Variants in SPATS2L observed in about 807,000 individuals in gnomAD.
SPATS2L encodes the protein spermatogenesis associated serine rich 2 like.
Under a neutral mutation model 59.6 loss-of-function variants are expected in SPATS2L, and 30 were observed. The ratio of observed to expected loss-of-function variants is 0.50; its 90% CI spans 0.38 to 0.68. The LOEUF is 0.68. Among genes scored for constraint, SPATS2L ranks in the 30% least tolerant of loss-of-function variants. The pLI is 0.00. For synonymous variants in SPATS2L, 252 were observed against 263.5 expected, an observed-to-expected ratio of 0.96 and a Z score of 0.42; for missense variants, 615 against 700.0, an observed-to-expected ratio of 0.88 and a Z score of 1.37.
intron 3 of SPATS2L, chr2:200,390,145 T>G (rs139804681): frequency 6.6e-6 from 1 of 152,264 alleles, no homozygotes; most frequent in African/African-American, 2.4e-5. Context: ...AAGGCAGGAG[T>G]TTGTCTTTCA....
intron 12 of SPATS2L, 31 bp downstream of exon 12, chr2:200,473,083 G>GAAAA: frequency 1.2e-5 from 15 of 1,232,922 alleles, no homozygotes; most frequent in African/African-American, 1.6e-5. Context: ...GGTGCCAGAG[G>GAAAA]AAAAAAAAAA....
rs199884306 is a variant in SPATS2L at position 200,365,512 on chromosome 2, C to T, written c.-22-23711C>T. 3.9e-5 allele frequency among the ~76,000 whole-genome samples: 6 copies of T among 152,188 alleles called. No individual in the cohort carries two copies. In the East Asian group the frequency reaches 1.2e-3, roughly 29 times the overall value. ...CTATACATGGGACTCTGTCTGTGAA[C>T]TCAGAGATGATCAGACTCTACCGTG... On this transcript the variant is annotated intron_variant, in intron 2 of 12. Coordinates refer to ENST00000409140, the MANE Select transcript of SPATS2L (RefSeq NM_001100423.2).
chr2:200,470,942 TGAGGCCAGGAGTTC>T (rs1170749063), intron 11 of SPATS2L, among the ~76,000 whole-genome samples: 1 of 152,122 alleles, frequency 6.6e-6, no homozygotes, highest in East Asian at 1.9e-4. Flanking sequence ...TCTGATCACC[TGAGGCCAGGAGTTC>T]GAGGCCAGCC....
intron 3 of SPATS2L, among the ~76,000 whole-genome samples, chr2:200,394,237 C>A (rs1195612893): frequency 2.0e-5 from 3 of 152,214 alleles, no homozygotes; most frequent in Admixed American, 2.0e-4. Context: ...ACACCCTTAT[C>A]CACTGCCGCA....
chr2:200,383,686 AC>A (rs1229764928), intron 2 of SPATS2L, among the ~76,000 whole-genome samples: 1 of 152,186 alleles, frequency 6.6e-6, no homozygotes, highest in African/African-American at 2.4e-5. Context: ...TTTGGCATTT[AC>A]CCACTCCAGC....
chr2:200,427,517 AATATAC>A (rs1018261430), intron 6 of SPATS2L, among the ~76,000 whole-genome samples: 37 of 148,896 alleles, frequency 2.5e-4, no homozygotes, highest in Non-Finnish European at 2.4e-4. Flanking sequence ...TATATATAAT[AATATAC>A]ATATATATTA....
intron 6 of SPATS2L, among the ~76,000 whole-genome samples, chr2:200,432,189 G>C (rs1015287256): frequency 6.6e-6 from 1 of 152,180 alleles, no homozygotes; most frequent in East Asian, 1.9e-4. Flanking sequence ...CTACAAGAAA[G>C]GAAGTAGATG....
At chr2:200,439,004 A>G (rs1256251493) in intron 6 of SPATS2L, 118 bp from the exon 7 acceptor site, 5 of 735,826 alleles carry the variant, frequency 6.8e-6, no homozygotes, top group Non-Finnish European at 9.3e-6. Context: ...ACTGTTTGCA[A>G]TGAAAGGCAT....
chr2:200,477,779 G>A lies in SPATS2L; in HGVS notation c.1425G>A (p.Pro475=), dbSNP rs771964448. The A allele has an allele frequency of 5.7e-6, 9 of 1,579,256 alleles. No individual in the cohort carries two copies. The highest frequency in any genetic ancestry group is 1.4e-5 in the African/African-American group (1 of 74,012). The change falls in exon 13 of 13, where the codon CCG becomes CCA. Residue 475 remains proline (P), a synonymous_variant. Transcript: ENST00000409140. ...GCCGCCACGAACACAGAAGACAGCCGCACAACGGCTTCCGGCCCAAAAACA... is the reference window on the plus strand; with the variant it reads ...GCCGCCACGAACACAGAAGACAGCCACACAACGGCTTCCGGCCCAAAAACA... The part of the protein sequence containing the change: ...GNSRHEHRRQ[P]HNGFRPKNKG...
chr2:200,478,893 T>G lies in SPATS2L; in HGVS notation c.*862T>G, dbSNP rs181223925. The G allele has an allele frequency of 2.0e-5, 3 of 149,778 alleles. No individual in the cohort carries two copies. Among genetic ancestry groups the G allele is most frequent in the African/African-American group, 7.4e-5 (3 of 40,768 alleles). The allele number at this position is 149,778 out of a possible 1,614,324, so 9.3% of individuals were successfully genotyped here. A position where few individuals can be genotyped will look rare whatever the true frequency, so the allele number is the denominator to read the frequency against. ...GATCAGGATTTCAGCTCCCATCTCT[T>G]TTTTTTTTTTCTTTTTTCTTTTTCT... On this transcript the variant is annotated 3_prime_UTR_variant, in exon 13 of 13. Transcript: ENST00000409140.
At chr2:200,465,726 T>C (rs1345672231) in intron 9 of SPATS2L, among the ~76,000 whole-genome samples, 1 of 152,174 alleles carries the variant, frequency 6.6e-6, no homozygotes. Flanking sequence ...TCAACATTGA[T>C]ATCAGCATAA....
intron 2 of SPATS2L, among the ~76,000 whole-genome samples, chr2:200,337,903 CTAATACA>C (rs1559049742): frequency 6.6e-6 from 1 of 152,146 alleles, no homozygotes. Context: ...TGTCCACTGC[CTAATACA>C]TAAGACATAC....
intron 1 of SPATS2L, among the ~76,000 whole-genome samples, chr2:200,314,423 T>C (rs1321509806): frequency 1.3e-5 from 2 of 152,172 alleles, no homozygotes; most frequent in Non-Finnish European, 2.9e-5. Flanking sequence ...TCGCAACTGG[T>C]CTCTCTGGCT....
Position 200,469,903 on chromosome 2 carries a change from CT to C in SPATS2L, c.958-8del. On this transcript the variant is annotated splice_polypyrimidine_tract_variant and intron_variant, in intron 10 of 12. Coordinates refer to ENST00000409140, the MANE Select transcript of SPATS2L (RefSeq NM_001100423.2). ...ATCATGGGGTTCCTGCTTTTCATCT[CT>C]TTCCTCCAGCACTTTGTCAGCGAGC... 6.2e-7 allele frequency: 1 copy of C among 1,600,956 alleles called. No individual in the cohort carries two copies. Among genetic ancestry groups the C allele is most frequent in the Non-Finnish European group, 8.5e-7 (1 of 1,173,492 alleles).
At chr2:200,429,518 A>G (rs905627896) in intron 6 of SPATS2L, among the ~76,000 whole-genome samples, 30 of 152,290 alleles carry the variant, frequency 2.0e-4, no homozygotes, top group African/African-American at 6.7e-4. Flanking sequence ...TTCTGTTAAG[A>G]GGCTGCCATT....
intron 12 of SPATS2L, among the ~76,000 whole-genome samples, chr2:200,476,445 AC>A (rs1326948691): frequency 6.6e-6 from 1 of 152,268 alleles, no homozygotes; most frequent in Non-Finnish European, 1.5e-5. Flanking sequence ...TTCTTCACTT[AC>A]GTAATTAGAA....
intron 8 of SPATS2L, among the ~76,000 whole-genome samples, chr2:200,442,869 G>A (rs1210376439): frequency 6.6e-6 from 1 of 152,128 alleles, no homozygotes; most frequent in Admixed American, 6.5e-5. Flanking sequence ...TTCATGTTGT[G>A]TTTTAAACTG....
At chr2:200,468,100 C>G (rs1310798000) in intron 10 of SPATS2L, among the ~76,000 whole-genome samples, 1 of 151,756 alleles carries the variant, frequency 6.6e-6, no homozygotes, top group Admixed American at 6.6e-5. Flanking sequence ...CCTGTACCAC[C>G]CCACTTGGCT....
chr2:200,343,334 TATAAA>T (rs780180496), intron 2 of SPATS2L, among the ~76,000 whole-genome samples: 5 of 152,184 alleles, frequency 3.3e-5, no homozygotes, highest in Non-Finnish European at 7.4e-5. Flanking sequence ...GAGTATATAA[TATAAA>T]ATCACCTAAT....
Sources: allele counts gnomAD v4.1 joint callset (sites outside exome capture counted in the v4.1 genomes callset), GRCh38; gene constraint gnomAD v4.1.1; transcripts MANE v1.5; gene names NCBI Gene and HGNC (gene_info 2026-07-23, HGNC 2026-07-21).